Variants in KIAA0586 observed in about 807,000 individuals in gnomAD.
KIAA0586 encodes KIAA0586.
Under a neutral mutation model 169.8 loss-of-function variants are expected in KIAA0586, and 144 were observed. The ratio of observed to expected loss-of-function variants is 0.85; its 90% CI spans 0.74 to 0.97. KIAA0586 has a LOEUF of 0.97. KIAA0586 is among the 50% of genes least tolerant of loss of function. KIAA0586 has a pLI of 0.00. For synonymous variants in KIAA0586, 625 were observed against 612.4 expected, an observed-to-expected ratio of 1.02 and a Z score of -0.30; for missense variants, 1,854 against 1,823.0, an observed-to-expected ratio of 1.02 and a Z score of -0.31.
rs1287641719 is a variant in KIAA0586 at position 58,474,782 on chromosome 14, A to G, written c.2810A>G (p.Asn937Ser). 1.1e-5 allele frequency: 17 copies of G among 1,602,268 alleles called. No homozygotes were observed. Among genetic ancestry groups the G allele is most frequent in the Non-Finnish European group, 1.4e-5 (16 of 1,175,030 alleles). ...KVIERKETLE[N>S]SLIQWVEQEI... ...ATTGAGAGAAAAGAAACACTGGAAA[A>G]TAGCTTAATTCAATGGTAAGTTTAT... Residue 937 changes from asparagine to serine, a missense_variant, in exon 19 of 31, where the codon AAT (asparagine) becomes AGT (serine). Transcript: ENST00000652326.
chr14:58,480,422 C>T (rs1330416999), intron 20 of KIAA0586, among the ~76,000 whole-genome samples: 2 of 150,898 alleles, frequency 1.3e-5, no homozygotes, highest in African/African-American at 4.9e-5. Context: ...AAAATTATTT[C>T]CCTAGTTCCC....
intron 15 of KIAA0586, among the ~76,000 whole-genome samples, chr14:58,466,971 C>T (rs989840443): frequency 3.9e-5 from 6 of 152,210 alleles, no homozygotes; most frequent in African/African-American, 1.4e-4. Context: ...TTTGTCCTCA[C>T]ACCAGCTGTT....
Position 58,547,804 on chromosome 14 carries a change from G to T in KIAA0586, c.4519G>T (p.Ala1507Ser), listed in dbSNP as rs140026883. Residue 1507 changes from alanine to serine, a missense_variant, in exon 31 of 31, where the codon GCT (alanine) becomes TCT (serine). Transcript: ENST00000652326. The stretch of plus-strand genomic sequence containing the variant: ...AGGTGGGAAAGCAGTGCCACTCTCC[G>T]CTTCACAGATGCCCCCTGCCAAGAT... ...FSGGKAVPLS[A>S]SQMPPAKMSV... 3 of 1,613,444 alleles carry T rather than the reference G, an allele frequency of 1.9e-6. No homozygotes were observed. Among genetic ancestry groups the T allele is most frequent in the Non-Finnish European group, 2.5e-6 (3 of 1,179,588 alleles).
Position 58,442,807 on chromosome 14 carries a change from G to A in KIAA0586, c.512G>A (p.Ser171Asn). 1 of 1,609,804 alleles carries A rather than the reference G, an allele frequency of 6.2e-7. No homozygotes were observed. Among genetic ancestry groups the A allele is most frequent in the African/African-American group, 1.3e-5 (1 of 75,000 alleles). The part of the protein sequence containing the change: ...AVTQETRISP[S>N]GIDSATTVAA... Reference sequence around the variant, plus strand: ...ACTCAGGAGACTAGAATTTCACCCAGTGGAATTGATTCAGCTACAACCGTG... The same window carrying A: ...ACTCAGGAGACTAGAATTTCACCCAATGGAATTGATTCAGCTACAACCGTG... The change falls in exon 5 of 31, where the codon AGT (serine) becomes AAT (asparagine). Residue 171 changes from serine to asparagine, a missense_variant. Coordinates refer to ENST00000652326, the MANE Select transcript of KIAA0586 (RefSeq NM_001329943.3).
In KIAA0586 at chr14:58,474,613, G is replaced by T; in HGVS notation, c.2641G>T (p.Glu881Ter). ...DEIIDVIQEE[E>*]KCDEIPDSEP... The stretch of plus-strand genomic sequence containing the variant: ...TTGTTTTTGTTACTACCAGGAAGAA[G>T]AAAAATGTGATGAAATTCCAGACTC... Residue 881 changes from glutamate to a stop codon, truncating the protein, a stop_gained, in exon 19 of 31, where the codon GAA becomes TAA. Transcript: ENST00000652326. LOFTEE classifies it high-confidence loss of function. 1 of 1,579,526 alleles carries T rather than the reference G, an allele frequency of 6.3e-7. No individual in the cohort carries two copies. The highest frequency in any genetic ancestry group is 8.6e-7 in the Non-Finnish European group (1 of 1,167,406).
At chr14:58,534,288 T>C (rs964964363) in intron 29 of KIAA0586, among the ~76,000 whole-genome samples, 1 of 152,194 alleles carries the variant, frequency 6.6e-6, no homozygotes, top group Non-Finnish European at 1.5e-5. Context: ...AATAGTGACC[T>C]TCTCTAACAG....
chr14:58,543,230 T>C (rs1566964093), intron 30 of KIAA0586, among the ~76,000 whole-genome samples: 1 of 152,160 alleles, frequency 6.6e-6, no homozygotes, highest in Non-Finnish European at 1.5e-5. Flanking sequence ...CGTAACTTTT[T>C]CAGTCTCTTA....
chr14:58,548,014 G>A lies in KIAA0586; in HGVS notation c.*82G>A. On this transcript the variant is annotated 3_prime_UTR_variant, in exon 31 of 31. Transcript: ENST00000652326. ...TTGGCTTAAAACCCTCTCTCAGACT[G>A]TTTGGTTTTTGAGCATATTCTGAAA... is the stretch of plus-strand genomic sequence containing the variant. The A allele has an allele frequency of 6.9e-7, 1 of 1,448,572 alleles. No homozygotes were observed. Among genetic ancestry groups the A allele is most frequent in the Non-Finnish European group, 9.2e-7 (1 of 1,081,630 alleles). The allele number at this position is 1,448,572 out of a possible 1,614,324, so 89.7% of individuals were successfully genotyped here. A position where few individuals can be genotyped will look rare whatever the true frequency, so the allele number is the denominator to read the frequency against.
chr14:58,485,782 C>T (rs1394824014), intron 21 of KIAA0586, among the ~76,000 whole-genome samples: 1 of 152,092 alleles, frequency 6.6e-6, no homozygotes, highest in Non-Finnish European at 1.5e-5. Flanking sequence ...TTCATCTTTC[C>T]CTAACTCCCA....
intron 9 of KIAA0586, among the ~76,000 whole-genome samples, chr14:58,455,832 AG>A (rs2039790488): frequency 6.6e-6 from 1 of 152,148 alleles, no homozygotes; most frequent in Non-Finnish European, 1.5e-5. Flanking sequence ...GGACCTTCCC[AG>A]GTCTCTCTTG....
At chr14:58,432,600 C>A in intron 4 of KIAA0586, 143 bp downstream of exon 4, 1 of 503,326 alleles carries the variant, frequency 2.0e-6, no homozygotes, top group Non-Finnish European at 3.6e-6. Context: ...GTGCTAGACA[C>A]GTATAAAATA....
At chr14:58,527,339 C>G (rs1352135993) in intron 29 of KIAA0586, among the ~76,000 whole-genome samples, 1 of 152,100 alleles carries the variant, frequency 6.6e-6, no homozygotes, top group African/African-American at 2.4e-5. Context: ...CATTGAAATT[C>G]AGGAAATATA....
At position 58,441,230 on chromosome 14, in the gene KIAA0586, T is replaced by G. The variant is rs768486087; in HGVS notation, c.411-1476T>G. Reference sequence around the variant, plus strand: ...TTTTTTTCTGGGACAGTGTCTCACTTTGTCTCACAGGCTGGAGTGATCACA... The same window carrying G: ...TTTTTTTCTGGGACAGTGTCTCACTGTGTCTCACAGGCTGGAGTGATCACA... On this transcript the variant is annotated intron_variant, in intron 4 of 30. Coordinates refer to ENST00000652326, the MANE Select transcript of KIAA0586 (RefSeq NM_001329943.3). 7.9e-5 allele frequency: 29 copies of G among 367,266 alleles called. 1 individual carries two copies. Among genetic ancestry groups the G allele is most frequent in the South Asian group, 5.5e-4 (28 of 50,538 alleles). The allele number at this position is 367,266 out of a possible 1,614,324, so 22.8% of individuals were successfully genotyped here.
downstream of KIAA0586, among the ~76,000 whole-genome samples, chr14:58,551,734 C>A (rs937107125): frequency 2.1e-4 from 32 of 152,124 alleles, no homozygotes; most frequent in African/African-American, 7.5e-4. Flanking sequence ...CCACTGCACT[C>A]CGGCCTGGGT....
chr14:58,485,493 A>C (rs1292693074), intron 21 of KIAA0586, among the ~76,000 whole-genome samples: 1 of 152,188 alleles, frequency 6.6e-6, no homozygotes, highest in African/African-American at 2.4e-5. Context: ...ATTCAAATTA[A>C]AAACATAATT....
At chr14:58,547,737 T>A in intron 30 of KIAA0586, 44 bp from the exon 31 acceptor site, 1 of 1,242,700 alleles carries the variant, frequency 8.0e-7, no homozygotes, top group Non-Finnish European at 1.1e-6. Context: ...ACGTAAATAC[T>A]CAGGTTACGC....
chr14:58,429,310 A>T, intron 1 of KIAA0586, 53 bp from the exon 2 acceptor site: 1 of 1,094,048 alleles, frequency 9.1e-7, no homozygotes, highest in Non-Finnish European at 1.4e-6. Context: ...ACAGTTTCTA[A>T]AGCTAAGGAT....
Position 58,460,459 on chromosome 14 carries a change from C to T in KIAA0586, c.1884+389C>T, listed in dbSNP as rs762248648. Among the ~76,000 whole-genome samples the T allele has an allele frequency of 3.6e-4, 54 of 151,906 alleles. 1 individual carries two copies. Among genetic ancestry groups the T allele is most frequent in the Non-Finnish European group, 6.3e-4 (43 of 67,952 alleles). ...TGTTTAGTGCCTAGTATATGCAAGGCGTGGTACTAGATGGTATGGAGGAAA... is the reference window on the plus strand; with the variant it reads ...TGTTTAGTGCCTAGTATATGCAAGGTGTGGTACTAGATGGTATGGAGGAAA... On this transcript the variant is annotated intron_variant, in intron 13 of 30. Coordinates refer to ENST00000652326, the MANE Select transcript of KIAA0586 (RefSeq NM_001329943.3).
In KIAA0586 at chr14:58,461,148, GAA is replaced by G. The variant is rs1279620206; in HGVS notation, c.2048_2049del (p.Glu683AlafsTer3). 1.9e-6 allele frequency: 3 copies of G among 1,579,838 alleles called. No homozygotes were observed. Among genetic ancestry groups the G allele is most frequent in the Non-Finnish European group, 2.6e-6 (3 of 1,166,260 alleles). ...KSRPQRPKVI[E>X]RVKGTKVKSI... ...CAGACCACAGAGACCAAAAGTAATAGAACGAGTTAAAGGTAAGGAATCTCATT... is the reference window on the plus strand; with the variant it reads ...CAGACCACAGAGACCAAAAGTAATAGCGAGTTAAAGGTAAGGAATCTCATT... On this transcript the variant is annotated frameshift_variant, in exon 14 of 31. Transcript: ENST00000652326. LOFTEE classifies it high-confidence loss of function.
Sources: gnomAD v4.1 joint callset for allele counts (sites outside exome capture counted in the v4.1 genomes callset) on GRCh38, gnomAD v4.1.1 for gene constraint, MANE v1.5 for transcripts, NCBI Gene and HGNC (gene_info 2026-07-23, HGNC 2026-07-21) for gene names.